Variants in ACLY observed in about 807,000 individuals in gnomAD.
ACLY encodes the protein ATP-citrate synthase.
A neutral mutation model predicts 133.0 loss-of-function variants in ACLY; 41 were observed. The observed-to-expected ratio is 0.31, with a 90% confidence interval of 0.24 to 0.40. The LOEUF (loss-of-function observed/expected upper bound fraction) is 0.40, where lower values mean the gene tolerates loss of function less well. Ranked by LOEUF, ACLY falls within the 10% of genes least tolerant of loss-of-function variation. The pLI is 1.00. For synonymous variants in ACLY, 495 were observed against 549.3 expected, an observed-to-expected ratio of 0.90 and a Z score of 1.38; for missense variants, 1,046 against 1,453.8, an observed-to-expected ratio of 0.72 and a Z score of 4.56.
At chr17:41,908,878 T>C in intron 6 of ACLY, 111 bp downstream of exon 6, 1 of 864,132 alleles carries the variant, frequency 1.2e-6, no homozygotes, top group South Asian at 1.4e-5. Context: ...TGTGCACATC[T>C]GTCTTGTGTT....
intron 1 of ACLY, among the ~76,000 whole-genome samples, chr17:41,918,030 AC>A (rs2050099020): frequency 6.6e-6 from 1 of 152,118 alleles, no homozygotes; most frequent in Admixed American, 6.5e-5. Context: ...ACCTCCAGGG[AC>A]CCCATAACGG....
chr17:41,883,181 G>C lies in ACLY; in HGVS notation c.2206C>G (p.Leu736Val). 6.2e-7 allele frequency: 1 copy of C among 1,614,060 alleles called. No individual in the cohort carries two copies. Among genetic ancestry groups the C allele is most frequent in the Non-Finnish European group, 8.5e-7 (1 of 1,180,046 alleles). Residue 736 changes from leucine (L) to valine (V), a missense_variant, in exon 20 of 29, where the codon CTC (leucine) becomes GTC (valine). Coordinates refer to ENST00000352035, the MANE Select transcript of ACLY (RefSeq NM_001096.3). ...CACCAGCAGACGATGGGCTTAGTGAGGCGGCCCTCCTTGATGCCCCGGCAA... is the reference window on the plus strand; with the variant it reads ...CACCAGCAGACGATGGGCTTAGTGACGCGGCCCTCCTTGATGCCCCGGCAA... ...KICRGIKEGR[L>V]TKPIVCWCIG... is the part of the protein sequence containing the mutation.
chr17:41,879,487 G>A (rs1360132219), intron 20 of ACLY, among the ~76,000 whole-genome samples: 5 of 141,140 alleles, frequency 3.5e-5, no homozygotes, highest in South Asian at 2.4e-4. Flanking sequence ...ATGCAGTCAC[G>A]GTTCACTGGC....
At chr17:41,892,488 G>A in intron 15 of ACLY, 41 bp from the exon 16 acceptor site, 1 of 1,579,438 alleles carries the variant, frequency 6.3e-7, no homozygotes, top group Non-Finnish European at 8.7e-7. Flanking sequence ...TCCTCAACCT[G>A]TCAGGACTGG....
In ACLY at chr17:41,897,786, C is replaced by G. The variant is rs1247233131; in HGVS notation, c.1392G>C (p.Val464=). ...CAGGCTTGGCCTTCTTTGCAGGCGCCACCTCATCGGCCCTGGACTCAGAAA... is the reference window on the plus strand; with the variant it reads ...CAGGCTTGGCCTTCTTTGCAGGCGCGACCTCATCGGCCCTGGACTCAGAAA... The part of the protein sequence containing the change: ...ASFSESRADE[V]APAKKAKPAM... The change falls in exon 13 of 29, where the codon GTG becomes GTC. Residue 464 remains valine, a synonymous_variant. Coordinates refer to ENST00000352035, the MANE Select transcript of ACLY (RefSeq NM_001096.3). 1.2e-6 allele frequency: 2 copies of G among 1,613,376 alleles called. No homozygotes were observed. Among genetic ancestry groups the G allele is most frequent in the Non-Finnish European group, 1.7e-6 (2 of 1,179,720 alleles).
In ACLY at chr17:41,886,412, G is replaced by A. The variant is rs1416115428; in HGVS notation, c.1876-104C>T. 6 of 1,194,038 alleles carry A rather than the reference G, an allele frequency of 5.0e-6. No individual in the cohort carries two copies. The Admixed American group carries it at 1.6e-4, about 31-fold the overall frequency. The allele number at this position is 1,194,038 out of a possible 1,614,324, so 74.0% of individuals were successfully genotyped here. On this transcript the variant is annotated intron_variant, in intron 17 of 28. Transcript: ENST00000352035. ...CTGCCCAGCCCCTTCTGGCCAGGCT[G>A]GGGAGAGAATGACCAAGAGAAATCA...
chr17:41,867,637 G>T lies in ACLY; in HGVS notation c.*173C>A. The T allele has an allele frequency of 2.3e-6, 1 of 438,660 alleles. No homozygotes were observed. Among genetic ancestry groups the T allele is most frequent in the Non-Finnish European group, 4.1e-6 (1 of 245,190 alleles). The allele number at this position is 438,660 out of a possible 1,614,324, so 27.2% of individuals were successfully genotyped here. A position where few individuals can be genotyped will look rare whatever the true frequency, so the allele number is the denominator to read the frequency against. On this transcript the variant is annotated 3_prime_UTR_variant, in exon 29 of 29. Transcript: ENST00000352035. ...AAAAAATATGAAGCTTCTTTGTGTG[G>T]ACTGAAGGGGTGTTAGCCTGTGGAT...
At chr17:41,914,045 G>C in intron 1 of ACLY, 149 bp from the exon 2 acceptor site, 1 of 727,470 alleles carries the variant, frequency 1.4e-6, no homozygotes, top group Non-Finnish European at 2.2e-6. Flanking sequence ...CTGTCCCAGC[G>C]GGAGGGATGG....
chr17:41,915,651 T>G (rs140545932), intron 1 of ACLY, among the ~76,000 whole-genome samples: 1 of 152,314 alleles, frequency 6.6e-6, no homozygotes, highest in Non-Finnish European at 1.5e-5. Context: ...TCCCCTGGAA[T>G]GACTTGAGAT....
rs537757552 is a variant in ACLY, at chr17:41,871,870, A to G, written c.2794-38T>C. On this transcript the variant is annotated intron_variant, in intron 24 of 28. Coordinates refer to ENST00000352035, the MANE Select transcript of ACLY (RefSeq NM_001096.3). ...CAAGTGCGTGTTGCCTTGAGCTTTA[A>G]GAGTTTCCTTCAGCTGGGCAAACCA... 1.4e-5 allele frequency: 22 copies of G among 1,611,268 alleles called. No homozygotes were observed. The East Asian group carries it at 4.7e-4, about 34-fold the overall frequency.
In ACLY at chr17:41,912,592, G is replaced by T. The variant is rs186614068; in HGVS notation, c.160-50C>A. The T allele has an allele frequency of 3.1e-6, 5 of 1,610,108 alleles. 1 individual carries two copies. In the South Asian group the frequency reaches 4.4e-5, roughly 14 times the overall value. ...AGAGTGAGGAAGAATTAGATAAACCGTAGTATTTTGGGGATCCAAATAGAG... is the reference window on the plus strand; with the variant it reads ...AGAGTGAGGAAGAATTAGATAAACCTTAGTATTTTGGGGATCCAAATAGAG... On this transcript the variant is annotated intron_variant, in intron 2 of 28. Transcript: ENST00000352035.
chr17:41,917,171 G>C (rs1198767667), intron 1 of ACLY, among the ~76,000 whole-genome samples: 1 of 149,752 alleles, frequency 6.7e-6, no homozygotes, highest in African/African-American at 2.5e-5. Flanking sequence ...ATTTGCTCTA[G>C]TGGAATCAGC....
At chr17:41,876,162 G>A (rs1266669458) in intron 22 of ACLY, among the ~76,000 whole-genome samples, 1 of 149,620 alleles carries the variant, frequency 6.7e-6, no homozygotes, top group African/African-American at 2.5e-5. Context: ...GAGAAGTGAG[G>A]AGCCCCTCCG....
intron 16 of ACLY, among the ~76,000 whole-genome samples, chr17:41,889,707 G>C (rs2049155020): frequency 6.7e-6 from 1 of 150,092 alleles, no homozygotes; most frequent in African/African-American, 2.5e-5. Flanking sequence ...TATTTTTTTT[G>C]AGATGGAGTC....
At chr17:41,921,664 C>CA (rs1408273146), upstream of ACLY, among the ~76,000 whole-genome samples, 1 of 151,906 alleles carries the variant, frequency 6.6e-6, no homozygotes, top group Non-Finnish European at 1.5e-5. Context: ...TATGTCACTA[C>CA]AAAAAATAAA....
At chr17:41,874,072 T>C (rs1379899944) in intron 22 of ACLY, 107 bp from the exon 23 acceptor site, 5 of 1,194,890 alleles carry the variant, frequency 4.2e-6, no homozygotes, top group Non-Finnish European at 5.5e-6. Context: ...CCCAGGAATG[T>C]CGTAAACTCT....
At chr17:41,918,040 G>A (rs570531950) in intron 1 of ACLY, among the ~76,000 whole-genome samples, 2 of 152,296 alleles carry the variant, frequency 1.3e-5, no homozygotes, top group East Asian at 3.9e-4. Context: ...ACCCCATAAC[G>A]GCAGAACTCG....
chr17:41,912,520 T>C lies in ACLY; in HGVS notation c.182A>G (p.Gln61Arg), dbSNP rs782309371. ...LSQNLVVKPD[Q>R]LIKRRGKLGL... Reference sequence around the variant, plus strand: ...AAGTTTTCCACGACGTTTGATCAGCTGGTCTGGCTTGACTACCAAGTTCTG... The same window carrying C: ...AAGTTTTCCACGACGTTTGATCAGCCGGTCTGGCTTGACTACCAAGTTCTG... Residue 61 changes from glutamine to arginine, a missense_variant, in exon 3 of 29, where the codon CAG becomes CGG. By Grantham distance (43) the Gln-to-Arg change is conservative (BLOSUM62 1). Around this residue, in one of 4 missense-constraint regions of ACLY, gnomAD observed 227 missense variants for 245.6 expected, o/e 0.92. Coordinates refer to ENST00000352035, the MANE Select transcript of ACLY (RefSeq NM_001096.3). 15 of 1,614,188 alleles carry C rather than the reference T, an allele frequency of 9.3e-6. No homozygotes were observed. In the South Asian group the frequency reaches 1.3e-4, roughly 14 times the overall value.
intron 13 of ACLY, among the ~76,000 whole-genome samples, chr17:41,897,012 C>A (rs2049386926): frequency 6.6e-6 from 1 of 152,178 alleles, no homozygotes; most frequent in Non-Finnish European, 1.5e-5. Context: ...TAATGCCAAT[C>A]CCTTTTTGTC....
Sources: allele counts gnomAD v4.1 joint callset (sites outside exome capture counted in the v4.1 genomes callset), GRCh38; gene constraint gnomAD v4.1.1; regional missense constraint gnomAD v4.1.1; transcripts MANE v1.5; gene names NCBI Gene and HGNC (gene_info 2026-07-23, HGNC 2026-07-21).